The following ZYG11B variants were observed in gnomAD, a reference collection of about 807,000 sequenced individuals.
ZYG11B encodes the protein protein zyg-11 homolog B.
In ZYG11B, 36 loss-of-function variants were observed where a neutral mutation model predicts 82.4. The ratio of observed to expected loss-of-function variants is 0.44; its 90% CI spans 0.33 to 0.58. The LOEUF (loss-of-function observed/expected upper bound fraction) is 0.58. ZYG11B is among the 20% of genes least tolerant of loss of function. ZYG11B has a pLI of 0.02. For missense variants in ZYG11B, 552 were observed against 895.6 expected, an observed-to-expected ratio of 0.62 and a Z score of 4.90; for synonymous variants, 303 against 312.8, an observed-to-expected ratio of 0.97 and a Z score of 0.33.
chr1:52,739,337 A>G (rs1571741523), intron 1 of ZYG11B, among the ~76,000 whole-genome samples: 1 of 152,138 alleles, frequency 6.6e-6, no homozygotes, highest in Non-Finnish European at 1.5e-5. Context: ...CTATGCCTCC[A>G]TTTTTAAATT....
At chr1:52,741,850 T>TTA (rs1347340546) in intron 1 of ZYG11B, among the ~76,000 whole-genome samples, 1 of 152,150 alleles carries the variant, frequency 6.6e-6, no homozygotes, top group Non-Finnish European at 1.5e-5. Flanking sequence ...TTCAGGGAGA[T>TTA]TAAGTACTTT....
At chr1:52,738,326 T>C (rs1644395343) in intron 1 of ZYG11B, among the ~76,000 whole-genome samples, 1 of 151,884 alleles carries the variant, frequency 6.6e-6, no homozygotes, top group African/African-American at 2.4e-5. Flanking sequence ...CTACAGGTGT[T>C]TGACACCATG....
chr1:52,779,094 A>C (rs1644833179), intron 3 of ZYG11B, among the ~76,000 whole-genome samples: 1 of 152,160 alleles, frequency 6.6e-6, no homozygotes, highest in South Asian at 2.1e-4. Context: ...AATGAGTAGA[A>C]ATTAGTCAGG....
At chr1:52,801,795 T>TAA in intron 8 of ZYG11B, 24 bp from the exon 9 acceptor site, 1 of 1,563,436 alleles carries the variant, frequency 6.4e-7, no homozygotes, top group Non-Finnish European at 8.6e-7. Flanking sequence ...AGTGAAAACT[T>TAA]ATTTCTGTTT....
chr1:52,791,724 T>C (rs753293950), intron 6 of ZYG11B, among the ~76,000 whole-genome samples: 1 of 152,206 alleles, frequency 6.6e-6, no homozygotes, highest in Admixed American at 6.5e-5. Flanking sequence ...AGTACACTTA[T>C]CTGGCATGGC....
At chr1:52,748,350 C>G (rs908310384) in intron 1 of ZYG11B, among the ~76,000 whole-genome samples, 3 of 152,038 alleles carry the variant, frequency 2.0e-5, no homozygotes, top group Admixed American at 2.0e-4. Flanking sequence ...GTAAATTAAT[C>G]TTTCTGAGCC....
At chr1:52,789,319 T>G (rs188977894) in intron 5 of ZYG11B, among the ~76,000 whole-genome samples, 1 of 152,302 alleles carries the variant, frequency 6.6e-6, no homozygotes, top group East Asian at 1.9e-4. Flanking sequence ...AATCTTCCAA[T>G]CGTACACAAA....
Position 52,825,111 on chromosome 1 carries a change from T to G in ZYG11B, c.*3482T>G, listed in dbSNP as rs1290028265. ...AGGAAAATTTTTAAAAAATAGATTATAATGATACATATTGGTATCATTAAG... is the reference window on the plus strand; with the variant it reads ...AGGAAAATTTTTAAAAAATAGATTAGAATGATACATATTGGTATCATTAAG... On this transcript the variant is annotated 3_prime_UTR_variant, in exon 14 of 14. Coordinates refer to ENST00000294353, the MANE Select transcript of ZYG11B (RefSeq NM_024646.3). 1 of 152,188 alleles carries G rather than the reference T, an allele frequency of 6.6e-6. No homozygotes were observed. The highest frequency in any genetic ancestry group is 2.4e-5 in the African/African-American group (1 of 41,458). 9.4% of individuals were successfully genotyped at this position (152,188 alleles called of 1,614,324 possible).
intron 10 of ZYG11B, among the ~76,000 whole-genome samples, chr1:52,810,046 A>G (rs1224055695): frequency 1.3e-5 from 2 of 152,038 alleles, no homozygotes; most frequent in Non-Finnish European, 2.9e-5. Flanking sequence ...AATATTCTTG[A>G]ACTTTGTTCT....
At chr1:52,792,871 G>C (rs977655816) in intron 6 of ZYG11B, among the ~76,000 whole-genome samples, 1 of 151,818 alleles carries the variant, frequency 6.6e-6, no homozygotes, top group Admixed American at 6.6e-5. Flanking sequence ...ACAGAGTTTC[G>C]CTCTTGTTGC....
intron 1 of ZYG11B, among the ~76,000 whole-genome samples, chr1:52,749,227 T>G (rs560199264): frequency 6.6e-6 from 1 of 151,886 alleles, no homozygotes; most frequent in African/African-American, 2.4e-5. Flanking sequence ...AATACCTAAA[T>G]AAAAAAAGAA....
rs143005448 is a variant in ZYG11B at position 52,768,190 on chromosome 1, G to A, written c.197-2830G>A. Among the ~76,000 whole-genome samples the A allele has an allele frequency of 1.4e-3, 214 of 152,268 alleles. 2 individuals are homozygous for A. Among genetic ancestry groups the A allele is most frequent in the Admixed American group, 1.0e-2 (152 of 15,276 alleles). On this transcript the variant is annotated intron_variant, in intron 2 of 13. Coordinates refer to ENST00000294353, the MANE Select transcript of ZYG11B (RefSeq NM_024646.3). ...TTACTAGTTGCTGCTTTCCTGGTAC[G>A]TTGGCTAGAGAGAGCAGATTTTGGG... is the stretch of plus-strand genomic sequence containing the variant.
chr1:52,791,570 T>G (rs1571782065), intron 6 of ZYG11B, among the ~76,000 whole-genome samples: 1 of 150,448 alleles, frequency 6.6e-6, no homozygotes, highest in South Asian at 2.1e-4. Flanking sequence ...GGTTTCACCA[T>G]GTTGGCCAGG....
chr1:52,752,692 C>T (rs1644536491), intron 1 of ZYG11B, among the ~76,000 whole-genome samples: 1 of 151,774 alleles, frequency 6.6e-6, no homozygotes, highest in African/African-American at 2.4e-5. Flanking sequence ...GGGACAGTGG[C>T]CTAAACTGTA....
At chr1:52,815,904 C>G (rs1297308308) in intron 12 of ZYG11B, among the ~76,000 whole-genome samples, 20 of 152,122 alleles carry the variant, frequency 1.3e-4, no homozygotes, top group Admixed American at 1.3e-3. Context: ...CACTGCACTC[C>G]AGCCTGGGCG....
chr1:52,765,608 C>A (rs1416634678), intron 2 of ZYG11B, among the ~76,000 whole-genome samples: 1 of 152,050 alleles, frequency 6.6e-6, no homozygotes, highest in Admixed American at 6.6e-5. Context: ...AGCGACCCTT[C>A]GACCTCAGCC....
intron 6 of ZYG11B, among the ~76,000 whole-genome samples, chr1:52,793,472 C>A (rs1428660691): frequency 6.6e-6 from 1 of 152,094 alleles, no homozygotes; most frequent in African/African-American, 2.4e-5. Flanking sequence ...GCTTGGGCAA[C>A]AAGAGTGAAA....
chr1:52,774,017 A>G (rs1222485737), intron 3 of ZYG11B, among the ~76,000 whole-genome samples: 2 of 152,076 alleles, frequency 1.3e-5, no homozygotes, highest in Non-Finnish European at 2.9e-5. Flanking sequence ...TTCCAGGCAG[A>G]CAGAATAATA....
chr1:52,736,439 A>AT (rs1553257280), intron 1 of ZYG11B, among the ~76,000 whole-genome samples: 2 of 151,184 alleles, frequency 1.3e-5, no homozygotes, highest in African/African-American at 2.4e-5. Flanking sequence ...TGCCCAGCTA[A>AT]TTTTTTTCTT....
Sources: allele counts gnomAD v4.1 joint callset (sites outside exome capture counted in the v4.1 genomes callset), GRCh38; gene constraint gnomAD v4.1.1; transcripts MANE v1.5; gene names NCBI Gene and HGNC (gene_info 2026-07-23, HGNC 2026-07-21).